The following CCDC88B variants were observed in gnomAD, a reference collection of about 807,000 sequenced individuals.
CCDC88B encodes the protein coiled-coil domain-containing protein 88B.
A neutral mutation model predicts 183.7 loss-of-function variants in CCDC88B; 138 were observed. The ratio of observed to expected loss-of-function variants is 0.75; its 90% CI spans 0.65 to 0.87. The LOEUF (loss-of-function observed/expected upper bound fraction) is 0.87. Among genes scored for constraint, CCDC88B ranks in the 40% least tolerant of loss-of-function variants. CCDC88B has a pLI of 0.00. For synonymous variants in CCDC88B, 835 were observed against 867.5 expected (o/e 0.96, Z 0.66); for missense variants, 1,822 against 1,965.6 (o/e 0.93, Z 1.38).
At chr11:64,340,503 C>A in intron 1 of CCDC88B, 104 bp from the exon 2 acceptor site, 1 of 1,497,150 alleles carries the variant, frequency 6.7e-7, no homozygotes, top group Non-Finnish European at 8.9e-7. Flanking sequence ...GGGACAGAGG[C>A]ACTCAGAGGA....
intron 9 of CCDC88B, 35 bp downstream of exon 9, chr11:64,342,410 C>A (rs1404821966): frequency 6.4e-7 from 1 of 1,552,634 alleles, no homozygotes; most frequent in African/African-American, 1.4e-5. Flanking sequence ...CGCGGCATTC[C>A]CTAACCTCCC....
chr11:64,344,468 C>T lies in CCDC88B; in HGVS notation c.1927C>T (p.Gln643Ter). The T allele has an allele frequency of 1.9e-6, 3 of 1,593,964 alleles. No homozygotes were observed. Among genetic ancestry groups the T allele is most frequent in the Non-Finnish European group, 2.6e-6 (3 of 1,170,100 alleles). Reference sequence around the variant, plus strand: ...GGTGCCTGAGGCCTGGGGGTTGAGACAGGAGGGCCCTGAGCACAAGCCAGG... The same window carrying T: ...GGTGCCTGAGGCCTGGGGGTTGAGATAGGAGGGCCCTGAGCACAAGCCAGG... Reference protein sequence around the residue: ...ELVPEAWGLRQEGPEHKPGPS... With the variant: ...ELVPEAWGLR Residue 643 changes from glutamine to a stop codon, truncating the protein, a stop_gained, in exon 14 of 27, where the codon CAG (glutamine) becomes TAG (stop). Coordinates refer to ENST00000356786, the MANE Select transcript of CCDC88B (RefSeq NM_032251.6). LOFTEE classifies it high-confidence loss of function. The surrounding 1 kb of genome is among the most constrained non-coding windows in gnomAD (Gnocchi z 4.5).
Position 64,344,372 on chromosome 11 carries a change from G to A in CCDC88B, c.1831G>A (p.Gly611Arg), listed in dbSNP as rs779618325. 3 of 1,585,894 alleles carry A rather than the reference G, an allele frequency of 1.9e-6. No homozygotes were observed. The highest frequency in any genetic ancestry group is 2.6e-6 in the Non-Finnish European group (3 of 1,167,558). The change falls in exon 14 of 27, where the codon GGG becomes AGG. Residue 611 changes from glycine to arginine, a missense_variant. Gly to Arg is a moderately radical substitution (Grantham distance 125). Coordinates refer to ENST00000356786, the MANE Select transcript of CCDC88B (RefSeq NM_032251.6). The surrounding 1 kb of genome is among the most constrained non-coding windows in gnomAD (Gnocchi z 4.5). ...PASVAPPQGPGTKIQAPQLLG... is the reference protein window; with the variant it reads ...PASVAPPQGPRTKIQAPQLLG... The stretch of plus-strand genomic sequence containing the variant: ...CTCTGTGGCCCCACCTCAGGGTCCA[G>A]GGACCAAAATTCAGGCCCCGCAGTT...
At chr11:64,349,498 G>A (rs759706358) in intron 15 of CCDC88B, 40 bp downstream of exon 15, 1 of 1,563,684 alleles carries the variant, frequency 6.4e-7, no homozygotes, top group Admixed American at 1.8e-5. Context: ...GGAGGCAGGG[G>A]TGTGGTGGGG....
chr11:64,343,078 G>T, intron 10 of CCDC88B, 101 bp from the exon 11 acceptor site: 1 of 1,350,474 alleles, frequency 7.4e-7, no homozygotes, highest in South Asian at 1.5e-5. Flanking sequence ...GGGGGAGGGA[G>T]GCAGGGTCTG....
chr11:64,341,084 A>C, intron 3 of CCDC88B, 25 bp from the exon 4 acceptor site: 1 of 1,614,054 alleles, frequency 6.2e-7, no homozygotes, highest in Non-Finnish European at 8.5e-7. Context: ...AAGGCGCCTC[A>C]TATAGTCTGC....
chr11:64,351,321 G>A (rs1167242406), intron 17 of CCDC88B, 66 bp downstream of exon 17: 3 of 1,499,600 alleles, frequency 2.0e-6, no homozygotes, highest in Non-Finnish European at 2.7e-6. Context: ...GGTCCACGGT[G>A]GACCCTGGGC....
At chr11:64,345,293 C>A in intron 14 of CCDC88B, 136 bp downstream of exon 14, 1 of 1,021,060 alleles carries the variant, frequency 9.8e-7, no homozygotes, top group Non-Finnish European at 1.4e-6. Context: ...CCAAGTCCAC[C>A]CCTGCCTTCC....
chr11:64,341,122 T>C lies in CCDC88B; in HGVS notation c.332T>C (p.Leu111Pro). Residue 111 changes from leucine (L) to proline (P), a missense_variant, in exon 4 of 27, where the codon CTG (leucine) becomes CCG (proline). Transcript: ENST00000356786. Reference protein sequence around the residue: ...LRDFYQEELQLLILSPPPDLQ... With the variant: ...LRDFYQEELQPLILSPPPDLQ... Reference sequence around the variant, plus strand: ...CTCTGCCTCCAGGAGGAGCTGCAGCTGCTGATCCTGTCGCCACCCCCAGAC... The same window carrying C: ...CTCTGCCTCCAGGAGGAGCTGCAGCCGCTGATCCTGTCGCCACCCCCAGAC... The C allele has an allele frequency of 6.2e-7, 1 of 1,614,118 alleles. No individual in the cohort carries two copies. The highest frequency in any genetic ancestry group is 8.5e-7 in the Non-Finnish European group (1 of 1,180,008).
rs1425079013 is a variant in CCDC88B, at chr11:64,353,476, C to T, written c.3813C>T (p.His1271=). Residue 1271 remains histidine (H), a synonymous_variant, in exon 22 of 27, where the codon CAC becomes CAT. Transcript: ENST00000356786. Reference sequence around the variant, plus strand: ...GCCTGGAGAGTCGGGACCACCTGCACCGCGAACAGCGGGAGTACCTGTGAG... The same window carrying T: ...GCCTGGAGAGTCGGGACCACCTGCATCGCGAACAGCGGGAGTACCTGTGAG... ...ERSLESRDHL[H]REQREYLDQL... is the part of the protein sequence containing the mutation. The T allele has an allele frequency of 6.2e-7, 1 of 1,611,870 alleles. No individual in the cohort carries two copies. Among genetic ancestry groups the T allele is most frequent in the African/African-American group, 1.3e-5 (1 of 74,876 alleles).
Position 64,342,394 on chromosome 11 carries a change from C to G in CCDC88B, c.903+19C>G, listed in dbSNP as rs1159333462. The G allele has an allele frequency of 6.4e-7, 1 of 1,563,146 alleles. No homozygotes were observed. Among genetic ancestry groups the G allele is most frequent in the East Asian group, 2.4e-5 (1 of 42,192 alleles). ...CCAGGAGGTGCGCTCACATGCTCCC[C>G]GCCACCGCGGCATTCCCTAACCTCC... On this transcript the variant is annotated intron_variant, in intron 9 of 26. Coordinates refer to ENST00000356786, the MANE Select transcript of CCDC88B (RefSeq NM_032251.6).
chr11:64,352,770 C>T lies in CCDC88B; in HGVS notation c.3383C>T (p.Ala1128Val), dbSNP rs1414705175. 3 of 1,613,410 alleles carry T rather than the reference C, an allele frequency of 1.9e-6. No individual in the cohort carries two copies. The African/African-American group carries it at 4.0e-5, about 22-fold the overall frequency. Residue 1128 changes from alanine (A) to valine (V), a missense_variant, in exon 20 of 27, where the codon GCC becomes GTC. Physicochemically the swap from Ala to Val is moderately conservative, Grantham distance 64. Coordinates refer to ENST00000356786, the MANE Select transcript of CCDC88B (RefSeq NM_032251.6). ...CACGAGCAGCTGCAGGCCCAGCGGG[C>T]CAGCGTGGAGGCACAGGAGGTGGCC... ...GRHEQLQAQR[A>V]SVEAQEVALL...
At chr11:64,341,766 G>A (rs768599756) in intron 7 of CCDC88B, 24 bp downstream of exon 7, 90 of 1,545,166 alleles carry the variant, frequency 5.8e-5, no homozygotes, top group Non-Finnish European at 7.5e-5. Context: ...GGGCATCGTG[G>A]ACTCAGGTTG....
In CCDC88B at chr11:64,341,979, A is replaced by AC. The variant is rs1312041392; in HGVS notation, c.676-11dup. Reference sequence around the variant, plus strand: ...TTGGATAAGTTAGTCCTGACCCTTGACCCCTGACCTACAGCGGCTGGCTGA... The same window carrying AC: ...TTGGATAAGTTAGTCCTGACCCTTGACCCCCTGACCTACAGCGGCTGGCTGA... On this transcript the variant is annotated splice_polypyrimidine_tract_variant and intron_variant, in intron 7 of 26. Coordinates refer to ENST00000356786, the MANE Select transcript of CCDC88B (RefSeq NM_032251.6). The AC allele has an allele frequency of 6.2e-7, 1 of 1,612,202 alleles. No individual in the cohort carries two copies. Among genetic ancestry groups the AC allele is most frequent in the South Asian group, 1.1e-5 (1 of 91,042 alleles).
Position 64,351,081 on chromosome 11 carries a change from G to A in CCDC88B, c.2863-79G>A, listed in dbSNP as rs1027031386. 4.0e-5 allele frequency: 41 copies of A among 1,025,370 alleles called. 2 individuals carry two copies. The Admixed American group carries it at 1.2e-3, about 31-fold the overall frequency. The allele number at this position is 1,025,370 out of a possible 1,614,324, so 63.5% of individuals were successfully genotyped here. ...AGGCTAAATGCTGCTGGCAGGGCAG[G>A]TCCATAAGCGCAGGTCCTTGAGGCA... is the stretch of plus-strand genomic sequence containing the variant. On this transcript the variant is annotated intron_variant, in intron 16 of 26. Transcript: ENST00000356786.
At position 64,351,558 on chromosome 11, in the gene CCDC88B, G is replaced by T; in HGVS notation, c.3041G>T (p.Arg1014Leu). ...LEGQLGSLQG[R>L]AQELLLQSQR... ...GGGCAGCTGGGGAGCCTGCAGGGCC[G>T]TGCCCAGGAGCTGCTGCTGCAGAGC... The change falls in exon 18 of 27, where the codon CGT becomes CTT. Residue 1014 changes from arginine (R) to leucine (L), a missense_variant. Arg to Leu is a moderately radical substitution (Grantham distance 102, BLOSUM62 -2). Transcript: ENST00000356786. 1 of 1,566,184 alleles carries T rather than the reference G, an allele frequency of 6.4e-7. No homozygotes were observed. The highest frequency in any genetic ancestry group is 1.2e-5 in the South Asian group (1 of 86,728).
At chr11:64,351,295 G>A (rs1361569862) in intron 17 of CCDC88B, 40 bp downstream of exon 17, 12 of 1,497,810 alleles carry the variant, frequency 8.0e-6, no homozygotes, top group Admixed American at 6.6e-5. Context: ...GAGGTGCCCC[G>A]TGCAGTGTGA....
chr11:64,352,378 G>T lies in CCDC88B; in HGVS notation c.3348G>T (p.Leu1116=). ...MRALELAHRE[L]QGRHEQLQAQ... ...CACTGGAGCTGGCCCACCGGGAGCT[G>T]CAGGGCCGGTGAGCATCACCAAATG... Residue 1116 remains leucine (L), a synonymous_variant, in exon 19 of 27, where the codon CTG becomes CTT. Coordinates refer to ENST00000356786, the MANE Select transcript of CCDC88B (RefSeq NM_032251.6). 6.5e-7 allele frequency: 1 copy of T among 1,534,798 alleles called. No individual in the cohort carries two copies.
At chr11:64,351,386 G>A in intron 17 of CCDC88B, 90 bp from the exon 18 acceptor site, 1 of 1,533,974 alleles carries the variant, frequency 6.5e-7, no homozygotes, top group Non-Finnish European at 8.8e-7. Context: ...CGGGGGTGGG[G>A]GTGCCCCATG....
Sources: allele counts gnomAD v4.1 joint callset, GRCh38; gene constraint gnomAD v4.1.1; non-coding constraint Gnocchi (gnomAD v3.1); transcripts MANE v1.5; gene names NCBI Gene and HGNC (gene_info 2026-07-23, HGNC 2026-07-21).